ABCA13: variants seen among roughly 807,000 people sequenced by gnomAD.
The protein encoded by ABCA13 is ATP binding cassette subfamily A member 13.
ABCA13 carries 476 observed loss-of-function variants against 478.7 expected under a neutral mutation model. The observed-to-expected ratio is 0.99, with a 90% CI of 0.92 to 1.07. The LOEUF (loss-of-function observed/expected upper bound fraction) is 1.07. ABCA13 is among the 50% of genes least tolerant of loss of function. The pLI, the probability that ABCA13 is intolerant of heterozygous loss-of-function variation, is 0.00. For synonymous variants in ABCA13, 2,252 were observed against 2,158.9 expected, an observed-to-expected ratio of 1.04 and a Z score of -1.20; for missense variants, 6,060 against 5,910.6, an observed-to-expected ratio of 1.03 and a Z score of -0.83.
intron 53 of ABCA13, among the ~76,000 whole-genome samples, chr7:48,524,027 C>A (rs145668298): frequency 6.6e-6 from 1 of 152,252 alleles, no homozygotes; most frequent in East Asian, 1.9e-4. Flanking sequence ...ATTTCAGTAT[C>A]TTTTAGGAAT....
At chr7:48,459,648 C>T (rs924260781) in intron 43 of ABCA13, among the ~76,000 whole-genome samples, 1 of 152,166 alleles carries the variant, frequency 6.6e-6, no homozygotes, top group Non-Finnish European at 1.5e-5. Flanking sequence ...TACAGGGAGA[C>T]TTCCTGGAGC....
chr7:48,271,717 T>G (rs1795632578), intron 16 of ABCA13, 70 bp from the exon 17 acceptor site: 1 of 998,574 alleles, frequency 1.0e-6, no homozygotes, highest in East Asian at 3.1e-5. Context: ...AAATGAGTAT[T>G]AACTTGGAAA....
intron 55 of ABCA13, among the ~76,000 whole-genome samples, chr7:48,536,006 C>T (rs1174013099): frequency 1.3e-5 from 2 of 152,140 alleles, no homozygotes; most frequent in African/African-American, 4.8e-5. Context: ...AGCAGTGATC[C>T]AGTTCCTTCA....
At chr7:48,469,540 C>A (rs1442004918) in intron 44 of ABCA13, among the ~76,000 whole-genome samples, 1 of 150,772 alleles carries the variant, frequency 6.6e-6, no homozygotes, top group East Asian at 1.9e-4. Context: ...GAACAGTCAC[C>A]TCAATGGCAG....
chr7:48,520,084 T>C lies in ABCA13; in HGVS notation c.13841T>C (p.Ile4614Thr). Reference sequence around the variant, plus strand: ...GATGTCCTCAAGTGGGTCTTTACTATTTTTCCTCAATTCTGTCTTGGTCAA... The same window carrying C: ...GATGTCCTCAAGTGGGTCTTTACTACTTTTCCTCAATTCTGTCTTGGTCAA... ...IYDVLKWVFT[I>T]FPQFCLGQGL... Residue 4614 changes from isoleucine (I) to threonine (T), a missense_variant, in exon 53 of 62, where the codon ATT (isoleucine) becomes ACT (threonine). Coordinates refer to ENST00000435803, the MANE Select transcript of ABCA13 (RefSeq NM_152701.5). 1 of 1,613,356 alleles carries C rather than the reference T, an allele frequency of 6.2e-7. No homozygotes were observed.
In ABCA13 at chr7:48,580,253, C is replaced by T. The variant is rs765754177; in HGVS notation, c.14384C>T (p.Thr4795Met). 27 of 1,610,638 alleles carry T rather than the reference C, an allele frequency of 1.7e-5. No homozygotes were observed. Among genetic ancestry groups the T allele is most frequent in the South Asian group, 6.6e-5 (6 of 90,446 alleles). Residue 4795 changes from threonine to methionine, a missense_variant, in exon 56 of 62, where the codon ACG becomes ATG. By Grantham distance (81) the Thr-to-Met change is moderately conservative (BLOSUM62 -1). Coordinates refer to ENST00000435803, the MANE Select transcript of ABCA13 (RefSeq NM_152701.5). The part of the protein sequence containing the change: ...GDAVDLSSAG[T>M]AGVLIGYCPQ... ...GCCGTGGACCTGTCTTCTGCTGGCACGGCAGGCGTGCTCATTGGCTACTGT... is the reference window on the plus strand; with the variant it reads ...GCCGTGGACCTGTCTTCTGCTGGCATGGCAGGCGTGCTCATTGGCTACTGT...
At chr7:48,196,524 G>A (rs1184725892) in intron 2 of ABCA13, among the ~76,000 whole-genome samples, 2 of 152,198 alleles carry the variant, frequency 1.3e-5, no homozygotes, top group African/African-American at 4.8e-5. Flanking sequence ...CAGGGCTGCT[G>A]TGAGGACTTG....
In ABCA13 at chr7:48,587,141, G is replaced by A. The variant is rs1789265032; in HGVS notation, c.14506-13G>A. ...TGAATGCTGGTGTGCACATGGACAT[G>A]CCTCTCTTCCAGGTTGCTGGAGACC... On this transcript the variant is annotated splice_polypyrimidine_tract_variant and intron_variant, in intron 56 of 61. Transcript: ENST00000435803. 4 of 1,612,760 alleles carry A rather than the reference G, an allele frequency of 2.5e-6. No homozygotes were observed. The African/African-American group carries it at 4.0e-5, about 16-fold the overall frequency.
At chr7:48,511,346 A>G in intron 51 of ABCA13, 147 bp downstream of exon 51, 1 of 684,852 alleles carries the variant, frequency 1.5e-6, no homozygotes, top group Non-Finnish European at 2.4e-6. Context: ...CGGAGCAAAC[A>G]AGCCTGAGCA....
chr7:48,293,354 C>G (rs1798859149), intron 20 of ABCA13, among the ~76,000 whole-genome samples: 1 of 152,170 alleles, frequency 6.6e-6, no homozygotes, highest in Admixed American at 6.5e-5. Context: ...TTGAATGATT[C>G]ATGATTTTCC....
chr7:48,286,172 C>G (rs967008431), intron 19 of ABCA13, among the ~76,000 whole-genome samples: 1 of 152,188 alleles, frequency 6.6e-6, no homozygotes, highest in Admixed American at 6.5e-5. Context: ...TGAACCCACA[C>G]TGACACAGCA....
intron 41 of ABCA13, among the ~76,000 whole-genome samples, chr7:48,422,190 G>C (rs1180454641): frequency 6.7e-6 from 1 of 150,074 alleles, no homozygotes; most frequent in South Asian, 2.1e-4. Context: ...CCTGTTTGTT[G>C]TTGTTTTTTT....
At chr7:48,240,525 A>C (rs1301421933) in intron 9 of ABCA13, among the ~76,000 whole-genome samples, 1 of 152,246 alleles carries the variant, frequency 6.6e-6, no homozygotes, top group Admixed American at 6.5e-5. Context: ...AAAATATGCA[A>C]ATATATTTAT....
At chr7:48,336,119 G>A (rs1806226978) in intron 28 of ABCA13, among the ~76,000 whole-genome samples, 1 of 152,166 alleles carries the variant, frequency 6.6e-6, no homozygotes, top group Admixed American at 6.5e-5. Flanking sequence ...TCAGGAGCTA[G>A]AATCCTTTGA....
At position 48,272,887 on chromosome 7, in the gene ABCA13, A is replaced by AT. The variant is rs1326978169; in HGVS notation, c.3225dup (p.Arg1076SerfsTer22). ...AAACAGCTGCTCATAATTGATGAAG[A>AT]TTTTCGTATTTCTTTATTTCAATAT... On this transcript the variant is annotated frameshift_variant, in exon 17 of 62. Coordinates refer to ENST00000435803, the MANE Select transcript of ABCA13 (RefSeq NM_152701.5). LOFTEE classifies it high-confidence loss of function. The AT allele has an allele frequency of 2.5e-6, 4 of 1,609,142 alleles. No homozygotes were observed. The highest frequency in any genetic ancestry group is 3.4e-6 in the Non-Finnish European group (4 of 1,177,100).
chr7:48,424,396 G>A (rs528093949), intron 41 of ABCA13, among the ~76,000 whole-genome samples: 1 of 152,200 alleles, frequency 6.6e-6, no homozygotes, highest in South Asian at 2.1e-4. Flanking sequence ...AGATAAGAAG[G>A]AATACAGTGA....
Position 48,295,830 on chromosome 7 carries a change from C to T in ABCA13, c.9086C>T (p.Pro3029Leu), listed in dbSNP as rs773119054. 17 of 1,613,370 alleles carry T rather than the reference C, an allele frequency of 1.1e-5. No individual in the cohort carries two copies. The highest frequency in any genetic ancestry group is 2.2e-5 in the South Asian group (2 of 91,034). The change falls in exon 21 of 62, where the codon CCG becomes CTG. Residue 3029 changes from proline (P) to leucine (L), a missense_variant. By Grantham distance (98) the Pro-to-Leu change is moderately conservative. Around this residue, in one of 3 missense-constraint regions of ABCA13, gnomAD observed 4,423 missense variants for 4,309.1 expected, o/e 1.03. Coordinates refer to ENST00000435803, the MANE Select transcript of ABCA13 (RefSeq NM_152701.5). Reference protein sequence around the residue: ...NATGQDCTSQPRLETVQQHLY... With the variant: ...NATGQDCTSQLRLETVQQHLY... ...ACTGGCCAGGACTGCACAAGCCAGCCGAGGCTGGAGACGGTGCAGCAGCAC... is the reference window on the plus strand; with the variant it reads ...ACTGGCCAGGACTGCACAAGCCAGCTGAGGCTGGAGACGGTGCAGCAGCAC...
chr7:48,226,813 C>T (rs1475470334), intron 5 of ABCA13, among the ~76,000 whole-genome samples: 2 of 152,164 alleles, frequency 1.3e-5, no homozygotes, highest in East Asian at 3.8e-4. Context: ...CTGCATTTGC[C>T]TTCTGATCAA....
chr7:48,541,347 T>G (rs941748531), intron 55 of ABCA13, among the ~76,000 whole-genome samples: 2 of 152,232 alleles, frequency 1.3e-5, no homozygotes, highest in African/African-American at 2.4e-5. Context: ...TTACTTGGAC[T>G]ATTACATCTG....
Sources: allele counts gnomAD v4.1 joint callset (sites outside exome capture counted in the v4.1 genomes callset), GRCh38; gene constraint gnomAD v4.1.1; regional missense constraint gnomAD v4.1.1; transcripts MANE v1.5; gene names NCBI Gene and HGNC (gene_info 2026-07-23, HGNC 2026-07-21).